Variants in UNC79 observed in about 807,000 individuals in gnomAD.
UNC79 encodes the protein unc-79 subunit of NALCN channel complex.
Under a neutral mutation model 283.1 loss-of-function variants are expected in UNC79, and 37 were observed. That is an observed-to-expected ratio of 0.13 (90% CI 0.10 to 0.17). The LOEUF (loss-of-function observed/expected upper bound fraction) is 0.17, where lower values mean the gene tolerates loss of function less well. Ranked by LOEUF, UNC79 falls within the 10% of genes least tolerant of loss-of-function variation. The pLI is 1.00. For missense variants in UNC79, 2,272 were observed against 3,211.1 expected (o/e 0.71, Z 7.07); for synonymous variants, 1,107 against 1,200.2 (o/e 0.92, Z 1.61).
intron 7 of UNC79, among the ~76,000 whole-genome samples, chr14:93,512,951 T>C (rs558526139): frequency 6.6e-6 from 1 of 152,216 alleles, no homozygotes; most frequent in African/African-American, 2.4e-5. Flanking sequence ...ATGGACATTG[T>C]AAAGAATATG....
chr14:93,515,640 A>G (rs1042057724), intron 7 of UNC79, among the ~76,000 whole-genome samples: 5 of 152,022 alleles, frequency 3.3e-5, no homozygotes, highest in African/African-American at 7.2e-5. Flanking sequence ...TCATATATTT[A>G]TCTTTCCCTC....
chr14:93,423,320 C>T (rs1433758903), intron 1 of UNC79, among the ~76,000 whole-genome samples: 1 of 152,050 alleles, frequency 6.6e-6, no homozygotes, highest in Non-Finnish European at 1.5e-5. Flanking sequence ...CAAGCCCTAT[C>T]AAAATACCAA....
chr14:93,479,931 T>C (rs2058038632), intron 4 of UNC79, among the ~76,000 whole-genome samples: 1 of 152,242 alleles, frequency 6.6e-6, no homozygotes, highest in Non-Finnish European at 1.5e-5. Context: ...ATGAGGAGGC[T>C]GTAGCTTTCT....
intron 11 of UNC79, among the ~76,000 whole-genome samples, chr14:93,533,750 G>A (rs1056579876): frequency 6.6e-6 from 1 of 152,136 alleles, no homozygotes; most frequent in African/African-American, 2.4e-5. Context: ...TTCAAAGAGT[G>A]GAGAAATAGG....
intron 5 of UNC79, among the ~76,000 whole-genome samples, chr14:93,488,136 A>G (rs866859985): frequency 6.6e-6 from 1 of 152,212 alleles, no homozygotes; most frequent in South Asian, 2.1e-4. Flanking sequence ...CTTTCACTAT[A>G]TTTCTGATTA....
chr14:93,697,355 C>T (rs373089866), intron 47 of UNC79, among the ~76,000 whole-genome samples: 122 of 152,126 alleles, frequency 8.0e-4, no homozygotes, highest in African/African-American at 2.3e-3. Context: ...AGGCTGGTCT[C>T]GAACTCCTGA....
chr14:93,637,409 G>T, intron 32 of UNC79, 110 bp downstream of exon 35: 1 of 1,505,502 alleles, frequency 6.6e-7, no homozygotes. Context: ...CCATGGAGTG[G>T]GGATGACCTT....
chr14:93,493,866 A>C (rs1232589031), intron 5 of UNC79, among the ~76,000 whole-genome samples: 2 of 130,402 alleles, frequency 1.5e-5, no homozygotes, highest in Admixed American at 8.1e-5. Context: ...AGAGAAGGGG[A>C]AGTGCCACAT....
intron 17 of UNC79, among the ~76,000 whole-genome samples, chr14:93,577,260 G>A (rs2063528158): frequency 2.0e-5 from 3 of 152,134 alleles, no homozygotes; most frequent in South Asian, 2.1e-4. Flanking sequence ...TGGAAGCTAG[G>A]CAGCAAAGGA....
At chr14:93,563,443 G>A (rs1160000858) in intron 14 of UNC79, among the ~76,000 whole-genome samples, 1 of 152,190 alleles carries the variant, frequency 6.6e-6, no homozygotes, top group African/African-American at 2.4e-5. Context: ...CTATATAACA[G>A]CATGGTGGTA....
In UNC79 at chr14:93,402,807, G is replaced by A. The variant is rs550949301; in HGVS notation, c.-350-64864G>A. On this transcript the variant is annotated intron_variant, in intron 1 of 49. Coordinates refer to the UNC79 transcript ENST00000256339. ...GACTCGTATACTTGTGGTTCCCACTGGCAGATATTTCTTCTCTGCTGTCTC... is the reference window on the plus strand; with the variant it reads ...GACTCGTATACTTGTGGTTCCCACTAGCAGATATTTCTTCTCTGCTGTCTC... Among the ~76,000 whole-genome samples the A allele has an allele frequency of 7.9e-4, 120 of 152,210 alleles. 1 individual carries two copies. Among genetic ancestry groups the A allele is most frequent in the African/African-American group, 2.8e-3 (118 of 41,538 alleles).
intron 1 of UNC79, among the ~76,000 whole-genome samples, chr14:93,417,064 A>G (rs1234072080): frequency 6.6e-6 from 1 of 152,128 alleles, no homozygotes; most frequent in African/African-American, 2.4e-5. Context: ...TCCTGTCATT[A>G]TGATGTTAGC....
At chr14:93,447,200 C>A (rs1390764544) in intron 1 of UNC79, among the ~76,000 whole-genome samples, 1 of 152,290 alleles carries the variant, frequency 6.6e-6, no homozygotes, top group Admixed American at 6.5e-5. Flanking sequence ...TCCAGACTAC[C>A]TTCACATGCT....
At chr14:93,702,152 A>C (rs1335594606) in intron 47 of UNC79, among the ~76,000 whole-genome samples, 2 of 152,200 alleles carry the variant, frequency 1.3e-5, no homozygotes, top group Non-Finnish European at 2.9e-5. Context: ...CAGTTAGACT[A>C]GATAAATTTT....
chr14:93,422,373 TGA>T (rs2055619203), intron 1 of UNC79, among the ~76,000 whole-genome samples: 1 of 152,078 alleles, frequency 6.6e-6, no homozygotes, highest in Non-Finnish European at 1.5e-5. Context: ...ATCATGCAGA[TGA>T]AGCCTCCAGG....
At chr14:93,607,410 G>T (rs1015991096) in intron 26 of UNC79, among the ~76,000 whole-genome samples, 2 of 152,136 alleles carry the variant, frequency 1.3e-5, no homozygotes, top group African/African-American at 2.4e-5. Flanking sequence ...TTCTGCTTTG[G>T]TGATTGCTTA....
At chr14:93,384,078 T>G (rs1195273136) in intron 1 of UNC79, among the ~76,000 whole-genome samples, 1 of 152,166 alleles carries the variant, frequency 6.6e-6, no homozygotes, top group Non-Finnish European at 1.5e-5. Flanking sequence ...AGCATGAAAA[T>G]GGACTAATAC....
At chr14:93,406,637 C>G (rs950267462) in intron 1 of UNC79, among the ~76,000 whole-genome samples, 1 of 152,112 alleles carries the variant, frequency 6.6e-6, no homozygotes, top group Non-Finnish European at 1.5e-5. Context: ...ATACATCTTA[C>G]TAACAGACAG....
At chr14:93,462,104 C>T (rs1164761306) in intron 1 of UNC79, among the ~76,000 whole-genome samples, 2 of 152,068 alleles carry the variant, frequency 1.3e-5, no homozygotes, top group African/African-American at 2.4e-5. Context: ...GCCAGGAGTT[C>T]GAGAACAGCC....
Sources: gnomAD v4.1 joint callset for allele counts (sites outside exome capture counted in the v4.1 genomes callset) on GRCh38, gnomAD v4.1.1 for gene constraint, MANE v1.5 for transcripts, NCBI Gene and HGNC (gene_info 2026-07-23, HGNC 2026-07-21) for gene names.